ATP8B4: variants seen among roughly 807,000 people sequenced by gnomAD.
ATP8B4 encodes the protein probable phospholipid-transporting ATPase IM.
A neutral mutation model predicts 145.6 loss-of-function variants in ATP8B4; 133 were observed. The ratio of observed to expected loss-of-function variants is 0.91; its 90% CI spans 0.79 to 1.05. The LOEUF is 1.05. Among genes scored for constraint, ATP8B4 ranks in the 50% least tolerant of loss-of-function variants. The probability of loss-of-function intolerance (pLI) is 0.00; values close to 1 mark genes in which losing one functional copy is unlikely to be tolerated. For synonymous variants in ATP8B4, 507 were observed against 492.9 expected (o/e 1.03, Z -0.38); for missense variants, 1,458 against 1,425.2 (o/e 1.02, Z -0.37).
At chr15:49,965,024 T>C (rs914931800) in intron 13 of ATP8B4, among the ~76,000 whole-genome samples, 22 of 152,364 alleles carry the variant, frequency 1.4e-4, no homozygotes, top group African/African-American at 5.0e-4. Context: ...CAATGGGAAC[T>C]TTTTAAGGAA....
At chr15:50,122,892 G>A (rs2057282428), upstream of ATP8B4, among the ~76,000 whole-genome samples, 1 of 152,092 alleles carries the variant, frequency 6.6e-6, no homozygotes, top group African/African-American at 2.4e-5. Context: ...CTTCCTGGTT[G>A]CAAAATTGGG....
At chr15:49,888,762 G>A (rs1407375389) in intron 23 of ATP8B4, among the ~76,000 whole-genome samples, 1 of 152,150 alleles carries the variant, frequency 6.6e-6, no homozygotes, top group Non-Finnish European at 1.5e-5. Flanking sequence ...TCAGTTTAGA[G>A]ACCTAGTCTC....
At chr15:50,043,248 A>T (rs1326676308) in intron 5 of ATP8B4, among the ~76,000 whole-genome samples, 1 of 152,190 alleles carries the variant, frequency 6.6e-6, no homozygotes, top group Non-Finnish European at 1.5e-5. Context: ...TCCCAAGACT[A>T]TGTTTTGTCT....
chr15:50,106,148 G>A (rs760734351), intron 2 of ATP8B4, among the ~76,000 whole-genome samples: 1 of 152,164 alleles, frequency 6.6e-6, no homozygotes, highest in Non-Finnish European at 1.5e-5. Flanking sequence ...CCACCTATCA[G>A]GGACGATATT....
At chr15:50,048,796 C>T (rs1389203811) in intron 3 of ATP8B4, among the ~76,000 whole-genome samples, 1 of 151,838 alleles carries the variant, frequency 6.6e-6, no homozygotes, top group East Asian at 1.9e-4. Context: ...CAAGGAAATT[C>T]CAAAGAGATA....
At chr15:50,080,246 T>C (rs2054458279) in intron 2 of ATP8B4, among the ~76,000 whole-genome samples, 1 of 152,218 alleles carries the variant, frequency 6.6e-6, no homozygotes. Context: ...CTTTGAGCCA[T>C]GTACTTCCAG....
At chr15:50,138,391 G>A (rs1003463695) in intron 1 of ATP8B4, among the ~76,000 whole-genome samples, 18 of 103,428 alleles carry the variant, frequency 1.7e-4, no homozygotes, top group Admixed American at 1.5e-3. Context: ...ATGATAGACA[G>A]ACAGACAGAC....
At chr15:49,864,388 A>G (rs537789352) in intron 26 of ATP8B4, among the ~76,000 whole-genome samples, 12 of 152,322 alleles carry the variant, frequency 7.9e-5, no homozygotes, top group Admixed American at 2.6e-4. Flanking sequence ...TACTTCCTCA[A>G]TTAGTGGATA....
chr15:49,976,615 C>T (rs1321843087), intron 12 of ATP8B4, among the ~76,000 whole-genome samples: 1 of 152,150 alleles, frequency 6.6e-6, no homozygotes, highest in Non-Finnish European at 1.5e-5. Flanking sequence ...AGTCTAGTAG[C>T]TCCCTGTAAT....
At chr15:49,921,777 T>C (rs2040285846) in intron 17 of ATP8B4, among the ~76,000 whole-genome samples, 1 of 152,236 alleles carries the variant, frequency 6.6e-6, no homozygotes, top group African/African-American at 2.4e-5. Flanking sequence ...TGAGAAAAAG[T>C]ATCCAAATTT....
intron 1 of ATP8B4, among the ~76,000 whole-genome samples, chr15:50,138,309 TATAG>T (rs1216378146): frequency 1.4e-5 from 2 of 141,060 alleles, no homozygotes; most frequent in African/African-American, 5.4e-5. Context: ...TAGATACATA[TATAG>T]ATAGATAGAT....
At chr15:49,915,788 C>T (rs2039674275) in intron 20 of ATP8B4, among the ~76,000 whole-genome samples, 1 of 149,640 alleles carries the variant, frequency 6.7e-6, no homozygotes, top group African/African-American at 2.5e-5. Context: ...TTGGCAAAGA[C>T]ATGTGCAGTA....
chr15:49,972,053 G>A (rs972378346), intron 13 of ATP8B4, among the ~76,000 whole-genome samples: 9 of 152,048 alleles, frequency 5.9e-5, no homozygotes, highest in Admixed American at 2.0e-4. Context: ...ATTCTCACTC[G>A]TAAGTGGGAA....
At chr15:50,172,840 G>A (rs1420695357) in intron 1 of ATP8B4, among the ~76,000 whole-genome samples, 5 of 151,018 alleles carry the variant, frequency 3.3e-5, no homozygotes, top group South Asian at 2.1e-4. Context: ...CCACCACCCC[G>A]TCTGGGAGGT....
intron 16 of ATP8B4, among the ~76,000 whole-genome samples, chr15:49,929,930 AT>A (rs1334827558): frequency 3.3e-5 from 5 of 152,114 alleles, no homozygotes; most frequent in African/African-American, 1.2e-4. Flanking sequence ...CTTAACCCTA[AT>A]GGGATGAAAA....
chr15:50,133,875 C>G (rs1462694375), intron 1 of ATP8B4, among the ~76,000 whole-genome samples: 2 of 152,118 alleles, frequency 1.3e-5, no homozygotes, highest in African/African-American at 4.8e-5. Context: ...GTGGTTCATG[C>G]ATGGAATCGC....
chr15:49,929,590 C>T (rs2041066422), intron 16 of ATP8B4, among the ~76,000 whole-genome samples: 1 of 151,964 alleles, frequency 6.6e-6, no homozygotes, highest in African/African-American at 2.4e-5. Flanking sequence ...CAATAGCTAC[C>T]ACCATGTATG....
At chr15:50,155,014 T>C (rs1389272008) in intron 1 of ATP8B4, among the ~76,000 whole-genome samples, 14 of 152,152 alleles carry the variant, frequency 9.2e-5, no homozygotes, top group Admixed American at 9.2e-4. Flanking sequence ...CTCACTTATA[T>C]TTATCTTGTT....
At chr15:50,044,153 G>A (rs927607936) in intron 5 of ATP8B4, among the ~76,000 whole-genome samples, 10 of 152,098 alleles carry the variant, frequency 6.6e-5, no homozygotes, top group Non-Finnish European at 1.0e-4. Context: ...CATCATTCAA[G>A]GATCAACTAT....
Sources: gnomAD v4.1 joint callset for allele counts (sites outside exome capture counted in the v4.1 genomes callset) on GRCh38, gnomAD v4.1.1 for gene constraint, MANE v1.5 for transcripts, NCBI Gene and HGNC (gene_info 2026-07-23, HGNC 2026-07-21) for gene names.